LUZP2: variants seen among roughly 807,000 people sequenced by gnomAD.
LUZP2 encodes the protein leucine zipper protein 2.
A neutral mutation model predicts 51.6 loss-of-function variants in LUZP2; 52 were observed. That is an observed-to-expected ratio of 1.01 (90% confidence interval 0.81 to 1.27). The LOEUF is 1.27. LUZP2 is among the 50% of genes most tolerant of loss of function. The pLI is 0.00. For synonymous variants in LUZP2, 154 were observed against 137.3 expected (o/e 1.12, Z -0.85); for missense variants, 436 against 395.4 (o/e 1.10, Z -0.87).
chr11:24,749,046 T>A lies in LUZP2; in HGVS notation c.333+10744T>A, dbSNP rs886666598. ...ATATAAAGTAATACCAGAGGGCATA[T>A]CTCACTCCTTTCTTGACGTTAACAA... On this transcript the variant is annotated intron_variant, in intron 4 of 11. Transcript: ENST00000336930. 4.6e-5 allele frequency among the ~76,000 whole-genome samples: 7 copies of A among 152,320 alleles called. 1 individual carries two copies. Among genetic ancestry groups the A allele is most frequent in the Non-Finnish European group, 7.4e-5 (5 of 68,026 alleles).
At chr11:24,554,249 A>T (rs545416648) in intron 1 of LUZP2, among the ~76,000 whole-genome samples, 1 of 152,180 alleles carries the variant, frequency 6.6e-6, no homozygotes, top group African/African-American at 2.4e-5. Flanking sequence ...TTCTAAGAAT[A>T]CATGTATGAT....
chr11:24,522,502 C>A (rs1324686762), intron 1 of LUZP2, among the ~76,000 whole-genome samples: 1 of 152,090 alleles, frequency 6.6e-6, no homozygotes, highest in Non-Finnish European at 1.5e-5. Flanking sequence ...CTCAGTTAGT[C>A]TGAAAGTCCT....
chr11:24,896,585 C>G lies in LUZP2; in HGVS notation c.397-9406C>G, dbSNP rs532179121. Among the ~76,000 whole-genome samples the G allele has an allele frequency of 1.1e-4, 16 of 152,282 alleles. No homozygotes were observed. The East Asian group carries it at 2.7e-3, about 26-fold the overall frequency. On this transcript the variant is annotated intron_variant, in intron 5 of 11. Transcript: ENST00000336930. ...CCCCAGCCTCCTCACCCCGCCTCCCCCCATGGGATACCGCATGGCCCCAGC... is the reference window on the plus strand; with the variant it reads ...CCCCAGCCTCCTCACCCCGCCTCCCGCCATGGGATACCGCATGGCCCCAGC...
At chr11:25,027,349 GATT>G (rs974898053) in intron 9 of LUZP2, among the ~76,000 whole-genome samples, 1 of 151,836 alleles carries the variant, frequency 6.6e-6, no homozygotes, top group Non-Finnish European at 1.5e-5. Context: ...TTCTCCTCTT[GATT>G]AATAATATGT....
intron 7 of LUZP2, among the ~76,000 whole-genome samples, chr11:24,957,225 T>C (rs111425641): frequency 6.6e-6 from 1 of 152,164 alleles, no homozygotes; most frequent in Non-Finnish European, 1.5e-5. Context: ...TAATTCTTTT[T>C]TAAATTGCAA....
chr11:24,502,690 C>T (rs1850034770), intron 1 of LUZP2, among the ~76,000 whole-genome samples: 1 of 152,062 alleles, frequency 6.6e-6, no homozygotes, highest in African/African-American at 2.4e-5. Context: ...CCAGCCCCTC[C>T]AAAGTGTTTT....
intron 1 of LUZP2, chr11:24,646,701 T>G (rs1855471970): frequency 1.1e-5 from 6 of 568,462 alleles, no homozygotes; most frequent in Non-Finnish European, 1.3e-5. Context: ...GATGTCTCAT[T>G]GGCCATAACT....
intron 1 of LUZP2, among the ~76,000 whole-genome samples, chr11:24,657,312 A>C (rs1336457134): frequency 6.6e-6 from 1 of 152,222 alleles, no homozygotes; most frequent in Non-Finnish European, 1.5e-5. Flanking sequence ...GTAGAGGCCA[A>C]ATGAATGCTA....
At chr11:25,071,791 A>C (rs1859165017) in intron 10 of LUZP2, among the ~76,000 whole-genome samples, 1 of 151,902 alleles carries the variant, frequency 6.6e-6, no homozygotes. Flanking sequence ...CATGTTGTGC[A>C]CATGTGCCCT....
intron 9 of LUZP2, among the ~76,000 whole-genome samples, chr11:25,036,842 T>TA (rs951145174): frequency 1.6e-4 from 25 of 152,066 alleles, no homozygotes; most frequent in African/African-American, 4.8e-4. Context: ...ATTTCATTTT[T>TA]AAAAAAAAAT....
At chr11:24,910,431 G>A (rs1344312625) in intron 6 of LUZP2, among the ~76,000 whole-genome samples, 1 of 152,166 alleles carries the variant, frequency 6.6e-6, no homozygotes, top group Non-Finnish European at 1.5e-5. Context: ...GAAAAATGGT[G>A]TCATGGGCTG....
At chr11:24,546,910 T>TTGTTA (rs1271922542) in intron 1 of LUZP2, among the ~76,000 whole-genome samples, 1 of 151,878 alleles carries the variant, frequency 6.6e-6, no homozygotes, top group East Asian at 1.9e-4. Flanking sequence ...GTCCTGTTTT[T>TTGTTA]TGTTTTGTTT....
At chr11:24,544,456 A>G (rs192264118) in intron 1 of LUZP2, among the ~76,000 whole-genome samples, 1 of 152,074 alleles carries the variant, frequency 6.6e-6, no homozygotes, top group Non-Finnish European at 1.5e-5. Flanking sequence ...CCACCTTCCA[A>G]TAGGTCCCAG....
intron 7 of LUZP2, among the ~76,000 whole-genome samples, chr11:24,974,140 A>G (rs1206543568): frequency 6.6e-6 from 1 of 152,148 alleles, no homozygotes; most frequent in East Asian, 1.9e-4. Flanking sequence ...ATATATATTT[A>G]GAATAGTTAG....
At chr11:24,551,770 A>T (rs1851731295) in intron 1 of LUZP2, among the ~76,000 whole-genome samples, 1 of 152,072 alleles carries the variant, frequency 6.6e-6, no homozygotes, top group East Asian at 1.9e-4. Context: ...GTAACAACAA[A>T]ATAGGCTATT....
chr11:24,537,530 C>G (rs563760378), intron 1 of LUZP2, among the ~76,000 whole-genome samples: 1 of 151,798 alleles, frequency 6.6e-6, no homozygotes, highest in East Asian at 1.9e-4. Context: ...CTAAAATGTA[C>G]GTGCTATATT....
chr11:24,585,655 G>A (rs1296895190), intron 1 of LUZP2, among the ~76,000 whole-genome samples: 1 of 152,050 alleles, frequency 6.6e-6, no homozygotes, highest in Non-Finnish European at 1.5e-5. Flanking sequence ...GTTCTTTTGT[G>A]TTGGCTGGGT....
intron 9 of LUZP2, among the ~76,000 whole-genome samples, chr11:24,985,257 A>G (rs1376499015): frequency 1.3e-5 from 2 of 151,552 alleles, no homozygotes; most frequent in Non-Finnish European, 3.0e-5. Flanking sequence ...CAACAAGAAA[A>G]CTGCCGGATT....
At chr11:24,670,190 G>A (rs1035983636) in intron 1 of LUZP2, among the ~76,000 whole-genome samples, 6 of 152,028 alleles carry the variant, frequency 3.9e-5, no homozygotes, top group South Asian at 2.1e-4. Context: ...AGAACTTGGA[G>A]TGAAAACAAG....
Sources: gnomAD v4.1 joint callset for allele counts (sites outside exome capture counted in the v4.1 genomes callset) on GRCh38, gnomAD v4.1.1 for gene constraint, MANE v1.5 for transcripts, NCBI Gene and HGNC (gene_info 2026-07-23, HGNC 2026-07-21) for gene names.